The following CELF6 variants were observed in gnomAD, a reference collection of about 807,000 sequenced individuals.
CELF6 encodes Bruno -like 6, RNA binding protein.
In CELF6, 32 loss-of-function variants were observed where a neutral mutation model predicts 53.1. The observed-to-expected ratio is 0.60, with a 90% CI of 0.46 to 0.81. The LOEUF is 0.81. Among genes scored for constraint, CELF6 ranks in the 30% least tolerant of loss-of-function variants. The pLI, the probability that CELF6 is intolerant of heterozygous loss-of-function variation, is 0.00. For missense variants in CELF6, 539 were observed against 669.5 expected (o/e 0.81, Z 2.15); for synonymous variants, 291 against 288.8 (o/e 1.01, Z -0.08).
chr15:72,294,474 G>A (rs2088048552), intron 3 of CELF6, among the ~76,000 whole-genome samples: 2 of 152,228 alleles, frequency 1.3e-5, no homozygotes, highest in South Asian at 4.1e-4. Flanking sequence ...AGCATAAGAA[G>A]CCACGGGGAA....
At chr15:72,310,961 C>T (rs1231119227) in intron 2 of CELF6, among the ~76,000 whole-genome samples, 1 of 152,102 alleles carries the variant, frequency 6.6e-6, no homozygotes, top group Non-Finnish European at 1.5e-5. Context: ...TCATGTGGAG[C>T]CTTAGCTATC....
intron 2 of CELF6, among the ~76,000 whole-genome samples, chr15:72,307,085 G>C (rs186098281): frequency 6.6e-6 from 1 of 152,194 alleles, no homozygotes; most frequent in East Asian, 1.9e-4. Flanking sequence ...GTGAGGGTGA[G>C]CAAGACCATC....
chr15:72,316,747 C>G (rs568811585), intron 1 of CELF6, among the ~76,000 whole-genome samples: 56 of 152,318 alleles, frequency 3.7e-4, no homozygotes, highest in Middle Eastern at 3.4e-3. Flanking sequence ...CACTCTCCTC[C>G]TTTCCAACAG....
chr15:72,319,519 T>C lies in CELF6; in HGVS notation c.262+94A>G. 1 of 1,357,054 alleles carries C rather than the reference T, an allele frequency of 7.4e-7. No homozygotes were observed. Among genetic ancestry groups the C allele is most frequent in the African/African-American group, 1.6e-5 (1 of 61,034 alleles). 84.1% of individuals were successfully genotyped at this position (1,357,054 alleles called of 1,614,324 possible). A position where few individuals can be genotyped will look rare whatever the true frequency, so the allele number is the denominator to read the frequency against. ...GGCTGATATTGGACTGGTGTTGGACTGGCTCTCGGCAGGGCTAGGGCTGGG... is the reference window on the plus strand; with the variant it reads ...GGCTGATATTGGACTGGTGTTGGACCGGCTCTCGGCAGGGCTAGGGCTGGG... On this transcript the variant is annotated intron_variant, in intron 1 of 12. Transcript: ENST00000287202. The surrounding 1 kb of genome is among the most constrained non-coding windows in gnomAD (Gnocchi z 5.0).
chr15:72,316,770 C>T (rs2088369342), intron 1 of CELF6, among the ~76,000 whole-genome samples: 1 of 152,202 alleles, frequency 6.6e-6, no homozygotes, highest in South Asian at 2.1e-4. Flanking sequence ...ACTGAGCACT[C>T]ATTCATTCAG....
At chr15:72,299,013 G>T (rs560130696) in intron 3 of CELF6, among the ~76,000 whole-genome samples, 3 of 152,266 alleles carry the variant, frequency 2.0e-5, no homozygotes, top group African/African-American at 4.8e-5. Flanking sequence ...TTCAAGACCA[G>T]CCTGGGCAAC....
chr15:72,301,579 TAAATATATCTGGTCAG>T (rs2141196198), intron 3 of CELF6, among the ~76,000 whole-genome samples: 1 of 152,316 alleles, frequency 6.6e-6, no homozygotes, highest in Admixed American at 6.5e-5. Context: ...CTTACTGGCG[TAAATATATCTGGTCAG>T]GTGTGTGTGA....
chr15:72,287,489 AGT>A, intron 11 of CELF6, 97 bp from the exon 12 acceptor site: 1 of 1,425,998 alleles, frequency 7.0e-7, no homozygotes, highest in African/African-American at 1.4e-5. Context: ...CCGTCAGGCC[AGT>A]TCCATCAAAC....
chr15:72,290,530 T>C (rs1283221681), intron 3 of CELF6, among the ~76,000 whole-genome samples: 1 of 152,202 alleles, frequency 6.6e-6, no homozygotes, highest in Non-Finnish European at 1.5e-5. Context: ...TAATGCAGTC[T>C]TGATATCTCT....
Position 72,319,609 on chromosome 15 carries a change from G to T in CELF6, c.262+4C>A. The T allele has an allele frequency of 6.5e-7, 1 of 1,545,694 alleles. No individual in the cohort carries two copies. Among genetic ancestry groups the T allele is most frequent in the Non-Finnish European group, 8.8e-7 (1 of 1,142,834 alleles). On this transcript the variant is annotated splice_donor_region_variant and intron_variant, in intron 1 of 12. Coordinates refer to ENST00000287202, the MANE Select transcript of CELF6 (RefSeq NM_052840.5). The surrounding 1 kb of genome is among the most constrained non-coding windows in gnomAD (Gnocchi z 5.0). Reference sequence around the variant, plus strand: ...CTGGGCTGGGCTGGGCTGACCCCGCGCACCTTTGTGGAGGCCGGTGAGCCG... The same window carrying T: ...CTGGGCTGGGCTGGGCTGACCCCGCTCACCTTTGTGGAGGCCGGTGAGCCG...
intron 3 of CELF6, among the ~76,000 whole-genome samples, chr15:72,291,571 G>T (rs2088006734): frequency 6.6e-6 from 1 of 152,178 alleles, no homozygotes; most frequent in Non-Finnish European, 1.5e-5. Flanking sequence ...CTAGTGGGGG[G>T]TCATAGACTG....
Position 72,288,974 on chromosome 15 carries a change from C to T in CELF6, c.1031-44G>A. On this transcript the variant is annotated intron_variant, in intron 8 of 12. Transcript: ENST00000287202. The surrounding 1 kb of genome is among the most constrained non-coding windows in gnomAD (Gnocchi z 4.6). ...GAGGCCCACAGTGAAGGCAAGCGGG[C>T]GAGCAGAGTGGGTGAGAAGCTCAGG... is the stretch of plus-strand genomic sequence containing the variant. 7 of 1,518,840 alleles carry T rather than the reference C, an allele frequency of 4.6e-6. No individual in the cohort carries two copies. Among genetic ancestry groups the T allele is most frequent in the South Asian group, 3.6e-5 (3 of 82,860 alleles). 94.1% of individuals were successfully genotyped at this position (1,518,840 alleles called of 1,614,324 possible).
In CELF6 at chr15:72,288,559, GGGCTGAA is replaced by G. The variant is rs769219284; in HGVS notation, c.1146_1152del (p.Ser383CysfsTer73). On this transcript the variant is annotated frameshift_variant, in exon 10 of 13. Transcript: ENST00000287202. LOFTEE classifies it high-confidence loss of function. The surrounding 1 kb of genome is among the most constrained non-coding windows in gnomAD (Gnocchi z 4.6). ...TCACCTTCTCTCTGCTGCTGGGGCAGGGCTGAAGGCTGCTGGGGAAAAGCTGTGCTCA... is the reference window on the plus strand; with the variant it reads ...TCACCTTCTCTCTGCTGCTGGGGCAGGGCTGCTGGGGAAAAGCTGTGCTCA... 1 of 1,597,764 alleles carries G rather than the reference GGGCTGAA, an allele frequency of 6.3e-7. No individual in the cohort carries two copies. Among genetic ancestry groups the G allele is most frequent in the Non-Finnish European group, 8.5e-7 (1 of 1,171,334 alleles).
intron 3 of CELF6, among the ~76,000 whole-genome samples, chr15:72,304,290 C>T (rs111460264): frequency 6.6e-6 from 1 of 152,124 alleles, no homozygotes; most frequent in Admixed American, 6.6e-5. Context: ...GTCGTACCAG[C>T]CTTATCTTTT....
chr15:72,303,462 C>T (rs1484536743), intron 3 of CELF6, among the ~76,000 whole-genome samples: 1 of 152,226 alleles, frequency 6.6e-6, no homozygotes, highest in East Asian at 1.9e-4. Context: ...GAGGAACGAA[C>T]TTCACAGTGG....
chr15:72,298,692 A>C (rs1429356269), intron 3 of CELF6, among the ~76,000 whole-genome samples: 1 of 152,224 alleles, frequency 6.6e-6, no homozygotes, highest in Non-Finnish European at 1.5e-5. Context: ...AATAATTTTT[A>C]ATATTTTGCT....
At chr15:72,315,457 G>C (rs1361562557) in intron 2 of CELF6, among the ~76,000 whole-genome samples, 1 of 152,132 alleles carries the variant, frequency 6.6e-6, no homozygotes, top group Non-Finnish European at 1.5e-5. Flanking sequence ...TTCCAGCAAG[G>C]ACCTTAGGAC....
chr15:72,289,568 C>A lies in CELF6; in HGVS notation c.747+59G>T. 1 of 1,480,172 alleles carries A rather than the reference C, an allele frequency of 6.8e-7. No homozygotes were observed. Among genetic ancestry groups the A allele is most frequent in the Middle Eastern group, 1.8e-4 (1 of 5,704 alleles). The allele number at this position is 1,480,172 out of a possible 1,614,324, so 91.7% of individuals were successfully genotyped here. ...AGGGGCAGGCAGCTGCCCGTGCTCT[C>A]AGCCCCAGGCCTGGCCCACCCACCT... On this transcript the variant is annotated intron_variant, in intron 6 of 12. Transcript: ENST00000287202. This position sits in a 1 kb window ranked among gnomAD's most constrained non-coding sequence, Gnocchi z 7.6.
chr15:72,292,226 G>A (rs1434389440), intron 3 of CELF6: 1 of 1,535,636 alleles, frequency 6.5e-7, no homozygotes, highest in Non-Finnish European at 8.7e-7. Flanking sequence ...AGTTCCAGCT[G>A]TTGTTTGAGG....
Sources: allele counts gnomAD v4.1 joint callset (sites outside exome capture counted in the v4.1 genomes callset), GRCh38; gene constraint gnomAD v4.1.1; non-coding constraint Gnocchi (gnomAD v3.1); transcripts MANE v1.5; gene names NCBI Gene and HGNC (gene_info 2026-07-23, HGNC 2026-07-21).